The following LOC400499 variants were observed in gnomAD, a reference collection of about 807,000 sequenced individuals.
the LOC400499 span, among the ~76,000 whole-genome samples, chr16:11,496,777 G>T: frequency 1.9e-3 from 295 of 152,226 alleles, 2 homozygotes; most frequent in African/African-American, 6.7e-3. Context: ...CGTCCCACTG[G>T]GTGAGTGTCC....
the LOC400499 span, among the ~76,000 whole-genome samples, chr16:11,504,457 G>A: frequency 2.6e-5 from 4 of 152,110 alleles, no homozygotes; most frequent in Admixed American, 2.0e-4. Context: ...TCAGGAGGCT[G>A]AGGCAAGAGA....
the LOC400499 span, among the ~76,000 whole-genome samples, chr16:11,501,732 C>T: frequency 6.6e-6 from 1 of 152,014 alleles, no homozygotes; most frequent in Non-Finnish European, 1.5e-5. Flanking sequence ...CCCAGACTCT[C>T]CACGCCCCCA....
chr16:11,496,989 T>A, the LOC400499 span, among the ~76,000 whole-genome samples: 1 of 151,940 alleles, frequency 6.6e-6, no homozygotes, highest in Non-Finnish European at 1.5e-5. Context: ...GTGGGTGTCC[T>A]GGGAAAGCCT....
the LOC400499 span, among the ~76,000 whole-genome samples, chr16:11,509,141 C>T: frequency 7.2e-4 from 89 of 124,270 alleles, no homozygotes; most frequent in African/African-American, 2.4e-3. Context: ...TTTTTTGAGA[C>T]GGAGTCGCAC....
At chr16:11,402,289 C>T in the LOC400499 span, 2 of 397,730 alleles carry the variant, frequency 5.0e-6, no homozygotes, top group Non-Finnish European at 8.9e-6. Flanking sequence ...GGGGGCCACA[C>T]AGCCAGATAA....
At chr16:11,448,275 C>T in the LOC400499 span, among the ~76,000 whole-genome samples, 1 of 152,328 alleles carries the variant, frequency 6.6e-6, no homozygotes, top group Middle Eastern at 3.4e-3. Flanking sequence ...CATGGCTAGA[C>T]CTCCCTAGGT....
chr16:11,496,575 G>A, the LOC400499 span, among the ~76,000 whole-genome samples: 13 of 152,274 alleles, frequency 8.5e-5, no homozygotes, highest in South Asian at 2.1e-4. Context: ...CCTAGTATGC[G>A]TGTATTTCCT....
At chr16:11,461,213 G>T in the LOC400499 span, 4 of 1,424,930 alleles carry the variant, frequency 2.8e-6, no homozygotes, top group African/African-American at 2.9e-5. Context: ...TATCACCGAG[G>T]GGCCTTGGGG....
At chr16:11,380,583 TTTATTTTGTAAC>T in the LOC400499 span, among the ~76,000 whole-genome samples, 45 of 152,298 alleles carry the variant, frequency 3.0e-4, no homozygotes, top group African/African-American at 9.9e-4. Flanking sequence ...ATAATATGCC[TTTATTTTGTAAC>T]TTATAACCAC....
the LOC400499 span, among the ~76,000 whole-genome samples, chr16:11,430,749 C>T: frequency 6.6e-6 from 1 of 152,186 alleles, no homozygotes; most frequent in African/African-American, 2.4e-5. Context: ...ACCCTGCACC[C>T]AACTCTCCCT....
the LOC400499 span, among the ~76,000 whole-genome samples, chr16:11,407,811 T>C: frequency 6.6e-6 from 1 of 152,038 alleles, no homozygotes; most frequent in Non-Finnish European, 1.5e-5. Flanking sequence ...GGACACCTAT[T>C]TTATTACGGG....
At chr16:11,438,647 G>A in the LOC400499 span, among the ~76,000 whole-genome samples, 1 of 150,158 alleles carries the variant, frequency 6.7e-6, no homozygotes, top group Non-Finnish European at 1.5e-5. Context: ...AAATTAGCTG[G>A]GTGTTGTGGC....
the LOC400499 span, among the ~76,000 whole-genome samples, chr16:11,458,080 C>A: frequency 6.6e-6 from 1 of 152,200 alleles, no homozygotes; most frequent in Non-Finnish European, 1.5e-5. Context: ...CGTGGTGGCT[C>A]ACGCCAGTAA....
the LOC400499 span, among the ~76,000 whole-genome samples, chr16:11,418,028 C>T: frequency 6.6e-6 from 1 of 152,200 alleles, no homozygotes; most frequent in East Asian, 1.9e-4. Context: ...ATTACACATG[C>T]ACCCAGGAGA....
the LOC400499 span, chr16:11,424,209 G>A: frequency 3.3e-5 from 13 of 399,230 alleles, no homozygotes; most frequent in Non-Finnish European, 4.4e-5. Context: ...CTGGAGGCCC[G>A]AGGACTCGGG....
the LOC400499 span, chr16:11,469,424 A>G: frequency 5.0e-6 from 2 of 398,916 alleles, no homozygotes. Context: ...AGACAAACCT[A>G]TAAGCCAGCT....
the LOC400499 span, among the ~76,000 whole-genome samples, chr16:11,446,152 G>C: frequency 2.0e-5 from 3 of 149,858 alleles, no homozygotes; most frequent in South Asian, 6.4e-4. Context: ...TGTGAGGTTG[G>C]GGGGCGGGGG....
the LOC400499 span, among the ~76,000 whole-genome samples, chr16:11,375,563 T>C: frequency 0.12 from 17,022 of 139,912 alleles, 1,606 homozygotes; most frequent in Middle Eastern, 0.26. Flanking sequence ...TCCGCCCACC[T>C]TGGCTTCCCA....
the LOC400499 span, among the ~76,000 whole-genome samples, chr16:11,423,884 G>T: frequency 1.3e-5 from 2 of 152,222 alleles, no homozygotes; most frequent in South Asian, 4.1e-4. Flanking sequence ...GGAGGGCAGG[G>T]TACCCTGCAG....
Sources: allele counts gnomAD v4.1 joint callset (sites outside exome capture counted in the v4.1 genomes callset), GRCh38; gene constraint gnomAD v4.1.1; transcripts MANE v1.5.